SEMG1: variants seen among roughly 807,000 people sequenced by gnomAD.
The protein encoded by SEMG1 is semenogelin-1.
SEMG1 carries 6 observed loss-of-function variants against 8.8 expected under a neutral mutation model. The ratio of observed to expected loss-of-function variants is 0.68; its 90% CI spans 0.37 to 1.35. SEMG1 has a LOEUF of 1.35. SEMG1 is among the 40% of genes most tolerant of loss of function. SEMG1 has a pLI of 0.02. For synonymous variants in SEMG1, 221 were observed against 190.3 expected, an observed-to-expected ratio of 1.16 and a Z score of -1.33; for missense variants, 580 against 533.6, an observed-to-expected ratio of 1.09 and a Z score of -0.86.
chr20:45,207,977 G>C lies in SEMG1; in HGVS notation c.680G>C (p.Arg227Thr). 1 of 1,614,014 alleles carries C rather than the reference G, an allele frequency of 6.2e-7. No individual in the cohort carries two copies. The highest frequency in any genetic ancestry group is 8.5e-7 in the Non-Finnish European group (1 of 1,179,966). ...KGHYQNVVEVREEHSSKVQTS... is the reference protein window; with the variant it reads ...KGHYQNVVEVTEEHSSKVQTS... ...CATTACCAAAATGTGGTTGAAGTGA[G>C]AGAGGAACATTCAAGTAAAGTACAA... is the stretch of plus-strand genomic sequence containing the variant. The change falls in exon 2 of 3, where the codon AGA becomes ACA. Residue 227 changes from arginine to threonine, a missense_variant. By Grantham distance (71) the Arg-to-Thr change is moderately conservative (BLOSUM62 -1). Transcript: ENST00000372781.
Position 45,207,900 on chromosome 20 carries a change from A to G in SEMG1, c.603A>G (p.Leu201=). The G allele has an allele frequency of 6.2e-7, 1 of 1,614,110 alleles. No individual in the cohort carries two copies. Among genetic ancestry groups the G allele is most frequent in the Non-Finnish European group, 8.5e-7 (1 of 1,179,960 alleles). The change falls in exon 2 of 3, where the codon CTA becomes CTG. Residue 201 remains leucine, a synonymous_variant. Transcript: ENST00000372781. Reference sequence around the variant, plus strand: ...GTTATGTTCTCCAAACTGAAGAGCTAGTAGCTAACAAACAACAACGTGAGA... The same window carrying G: ...GTTATGTTCTCCAAACTGAAGAGCTGGTAGCTAACAAACAACAACGTGAGA... ...QSSYVLQTEE[L]VANKQQRETK...
chr20:45,207,743 G>T lies in SEMG1; in HGVS notation c.446G>T (p.Ser149Ile). Residue 149 changes from serine (S) to isoleucine (I), a missense_variant, in exon 2 of 3, where the codon AGC (serine) becomes ATC (isoleucine). Ser to Ile is a moderately radical substitution (Grantham distance 142). Coordinates refer to ENST00000372781, the MANE Select transcript of SEMG1 (RefSeq NM_003007.5). The stretch of plus-strand genomic sequence containing the variant: ...AATCCTTCTCAAGATCAGGGGAATA[G>T]CCCATCTGGAAAGGGAATATCCAGT... ...TQNPSQDQGN[S>I]PSGKGISSQY... is the part of the protein sequence containing the mutation. 6.2e-7 allele frequency: 1 copy of T among 1,613,946 alleles called. No individual in the cohort carries two copies.
In SEMG1 at chr20:45,207,065, C is replaced by T; in HGVS notation, c.12C>T (p.Asn4=). The T allele has an allele frequency of 1.2e-6, 2 of 1,613,764 alleles. No individual in the cohort carries two copies. Among genetic ancestry groups the T allele is most frequent in the Non-Finnish European group, 1.7e-6 (2 of 1,179,756 alleles). The change falls in exon 1 of 3, where the codon AAC becomes AAT. Residue 4 remains asparagine, a synonymous_variant. Transcript: ENST00000372781. MKP[N]IIFVLSLLLI... ...GTTTTCCAAGCAAGATGAAGCCCAA[C>T]ATCATCTTTGTACTTTCCCTGCTCC...
At chr20:45,209,355 A>C (rs1326112914) in intron 2 of SEMG1, among the ~76,000 whole-genome samples, 1 of 152,208 alleles carries the variant, frequency 6.6e-6, no homozygotes, top group Non-Finnish European at 1.5e-5. Context: ...TTACAACATC[A>C]GGAGAAGAAA....
At chr20:45,208,924 C>T (rs115669987) in intron 2 of SEMG1, among the ~76,000 whole-genome samples, 194 bp downstream of exon 2, 1,655 of 152,196 alleles carry the variant, frequency 0.011, 21 homozygotes, top group African/African-American at 0.033. Flanking sequence ...GGATGTTTGG[C>T]CTATCATGAG....
rs896135139 is a variant in SEMG1 at position 45,207,446 on chromosome 20, G to A, written c.149G>A (p.Gly50Glu). 1.9e-6 allele frequency: 3 copies of A among 1,613,616 alleles called. No individual in the cohort carries two copies. In the African/African-American group the frequency reaches 4.0e-5, roughly 22 times the overall value. The stretch of plus-strand genomic sequence containing the variant: ...GGACAAAAGGGCCAGCACTATTCTG[G>A]ACAAAAAGGCAAGCAACAAACTGAA... ...PHGQKGQHYS[G>E]QKGKQQTESK... The change falls in exon 2 of 3, where the codon GGA (glycine) becomes GAA (glutamate). Residue 50 changes from glycine to glutamate, a missense_variant. By Grantham distance (98) the Gly-to-Glu change is moderately conservative. Transcript: ENST00000372781.
Position 45,208,430 on chromosome 20 carries a change from C to A in SEMG1, c.1133C>A (p.Thr378Asn). 1 of 1,613,988 alleles carries A rather than the reference C, an allele frequency of 6.2e-7. No individual in the cohort carries two copies. Among genetic ancestry groups the A allele is most frequent in the South Asian group, 1.1e-5 (1 of 91,044 alleles). The change falls in exon 2 of 3, where the codon ACT (threonine) becomes AAT (asparagine). Residue 378 changes from threonine (T) to asparagine (N), a missense_variant. Coordinates refer to ENST00000372781, the MANE Select transcript of SEMG1 (RefSeq NM_003007.5). ...DVSQRSIYSQ[T>N]EKLVAGKSQI... Reference sequence around the variant, plus strand: ...TCCCAACGCAGTATTTATAGCCAAACTGAAAAGCTAGTAGCAGGCAAGTCT... The same window carrying A: ...TCCCAACGCAGTATTTATAGCCAAAATGAAAAGCTAGTAGCAGGCAAGTCT...
In SEMG1 at chr20:45,208,428, A is replaced by G. The variant is rs747922760; in HGVS notation, c.1131A>G (p.Gln377=). 3.7e-6 allele frequency: 6 copies of G among 1,614,040 alleles called. No homozygotes were observed. Among genetic ancestry groups the G allele is most frequent in the Non-Finnish European group, 5.1e-6 (6 of 1,179,978 alleles). The change falls in exon 2 of 3, where the codon CAA becomes CAG. Residue 377 remains glutamine (Q), a synonymous_variant. Coordinates refer to ENST00000372781, the MANE Select transcript of SEMG1 (RefSeq NM_003007.5). The stretch of plus-strand genomic sequence containing the variant: ...TATCCCAACGCAGTATTTATAGCCA[A>G]ACTGAAAAGCTAGTAGCAGGCAAGT... ...KDVSQRSIYS[Q]TEKLVAGKSQ...
chr20:45,209,278 T>C (rs1041640331), intron 2 of SEMG1, among the ~76,000 whole-genome samples: 1 of 152,226 alleles, frequency 6.6e-6, no homozygotes, highest in East Asian at 1.9e-4. Flanking sequence ...CTTGTTCATG[T>C]TGTGAAAGAG....
Position 45,208,680 on chromosome 20 carries a change from TACATAAACCTACCATTCGGTA to T in SEMG1, c.1386_*17del. ...TTAACAACGACCGAAACCCATTATTTACATAAACCTACCATTCGGTAACCATGTGAAAGGATGGACCAATAT... is the reference window on the plus strand; with the variant it reads ...TTAACAACGACCGAAACCCATTATTTACCATGTGAAAGGATGGACCAATAT... On this transcript the variant is annotated stop_lost and 3_prime_UTR_variant, in exon 2 of 3. Transcript: ENST00000372781. 5 of 1,597,238 alleles carry T rather than the reference TACATAAACCTACCATTCGGTA, an allele frequency of 3.1e-6. No homozygotes were observed. The highest frequency in any genetic ancestry group is 4.3e-6 in the Non-Finnish European group (5 of 1,171,222).
In SEMG1 at chr20:45,207,420, C is replaced by T. The variant is rs202058933; in HGVS notation, c.123C>T (p.His41=). The change falls in exon 2 of 3, where the codon CAC becomes CAT. Residue 41 remains histidine, a synonymous_variant. Transcript: ENST00000372781. The part of the protein sequence containing the change: ...RLPSEFSQFP[H]GQKGQHYSGQ... ...CAAGTGAATTTTCCCAATTTCCACA[C>T]GGACAAAAGGGCCAGCACTATTCTG... 7.1e-5 allele frequency: 115 copies of T among 1,610,584 alleles called. No homozygotes were observed. Among genetic ancestry groups the T allele is most frequent in the African/African-American group, 1.2e-4 (9 of 74,826 alleles).
rs183240426 is a variant in SEMG1 at position 45,208,314 on chromosome 20, T to C, written c.1017T>C (p.His339=). The C allele has an allele frequency of 3.9e-5, 63 of 1,610,948 alleles. No homozygotes were observed. The Admixed American group carries it at 7.7e-4, about 20-fold the overall frequency. The change falls in exon 2 of 3, where the codon CAT becomes CAC. Residue 339 remains histidine (H), a synonymous_variant. Coordinates refer to ENST00000372781, the MANE Select transcript of SEMG1 (RefSeq NM_003007.5). ...QITIPSQEQE[H]SQKANKISYQ... Reference sequence around the variant, plus strand: ...CAATTCCCAGTCAAGAGCAAGAGCATAGCCAAAAGGCAAATAAAATATCAT... The same window carrying C: ...CAATTCCCAGTCAAGAGCAAGAGCACAGCCAAAAGGCAAATAAAATATCAT...
intron 2 of SEMG1, 30 bp downstream of exon 2, chr20:45,208,760 ATC>A: frequency 1.0e-6 from 1 of 995,780 alleles, no homozygotes; most frequent in Non-Finnish European, 1.5e-6. Flanking sequence ...TAGGGGAGAT[ATC>A]TCTCTCATTG....
chr20:45,209,172 C>T (rs1983788768), intron 2 of SEMG1, among the ~76,000 whole-genome samples: 1 of 152,066 alleles, frequency 6.6e-6, no homozygotes, highest in South Asian at 2.1e-4. Flanking sequence ...TTCTTGCATC[C>T]CTGTTAGGGT....
chr20:45,208,266 G>T lies in SEMG1; in HGVS notation c.969G>T (p.Gln323His). ...ATAGCCAAACTGAAGAGAAAGCACA[G>T]GGCAAGTCTCAAAAACAGATAACAA... Reference protein sequence around the residue: ...SIYSQTEEKAQGKSQKQITIP... With the variant: ...SIYSQTEEKAHGKSQKQITIP... The change falls in exon 2 of 3, where the codon CAG becomes CAT. Residue 323 changes from glutamine (Q) to histidine (H), a missense_variant. By Grantham distance (24) the Gln-to-His change is conservative (BLOSUM62 0). Transcript: ENST00000372781. 6.2e-7 allele frequency: 1 copy of T among 1,600,090 alleles called. No homozygotes were observed. The highest frequency in any genetic ancestry group is 8.5e-7 in the Non-Finnish European group (1 of 1,174,652).
chr20:45,207,371 C>T lies in SEMG1; in HGVS notation c.77-3C>T, dbSNP rs769494349. ...TGCATACCTTCTTATTATCAATTAC[C>T]AGGTGGATCAAAAGGCCGATTACCA... On this transcript the variant is annotated splice_region_variant and splice_polypyrimidine_tract_variant and intron_variant, in intron 1 of 2. Transcript: ENST00000372781. 1.2e-6 allele frequency: 2 copies of T among 1,602,412 alleles called. No individual in the cohort carries two copies. Among genetic ancestry groups the T allele is most frequent in the Non-Finnish European group, 1.7e-6 (2 of 1,173,210 alleles).
In SEMG1 at chr20:45,208,207, G is replaced by C. The variant is rs765599434; in HGVS notation, c.910G>C (p.Gly304Arg). Residue 304 changes from glycine (G) to arginine (R), a missense_variant, in exon 2 of 3, where the codon GGT becomes CGT. Transcript: ENST00000372781. ...EERRLHYGEN[G>R]VQKDVSQSSI... ...AAGACGACTCCACTATGGAGAAAAT[G>C]GTGTGCAGAAAGATGTATCCCAAAG... 8 of 1,613,326 alleles carry C rather than the reference G, an allele frequency of 5.0e-6. No individual in the cohort carries two copies. Among genetic ancestry groups the C allele is most frequent in the Non-Finnish European group, 6.8e-6 (8 of 1,179,634 alleles).
In SEMG1 at chr20:45,207,638, G is replaced by A. The variant is rs1983727969; in HGVS notation, c.341G>A (p.Arg114Lys). ...CTGCTCCATAATAAACAAGAAGGCA[G>A]AGACCATGATAAATCAAAAGGTCAT... ...QQLLHNKQEG[R>K]DHDKSKGHFH... Residue 114 changes from arginine to lysine, a missense_variant, in exon 2 of 3, where the codon AGA (arginine) becomes AAA (lysine). Transcript: ENST00000372781. 1.2e-6 allele frequency: 2 copies of A among 1,613,726 alleles called. No homozygotes were observed. Among genetic ancestry groups the A allele is most frequent in the Non-Finnish European group, 1.7e-6 (2 of 1,179,886 alleles).
rs1318717938 is a variant in SEMG1, at chr20:45,207,398, G to A, written c.101G>A (p.Ser34Asn). ...QKGGSKGRLP[S>N]EFSQFPHGQK... ...GGTGGATCAAAAGGCCGATTACCAA[G>A]TGAATTTTCCCAATTTCCACACGGA... The change falls in exon 2 of 3, where the codon AGT (serine) becomes AAT (asparagine). Residue 34 changes from serine to asparagine, a missense_variant. By Grantham distance (46) the Ser-to-Asn change is conservative (BLOSUM62 1). Coordinates refer to ENST00000372781, the MANE Select transcript of SEMG1 (RefSeq NM_003007.5). 1.2e-6 allele frequency: 2 copies of A among 1,611,312 alleles called. No individual in the cohort carries two copies. The highest frequency in any genetic ancestry group is 8.5e-7 in the Non-Finnish European group (1 of 1,179,098).
Sources: allele counts gnomAD v4.1 joint callset (sites outside exome capture counted in the v4.1 genomes callset), GRCh38; gene constraint gnomAD v4.1.1; transcripts MANE v1.5; gene names NCBI Gene and HGNC (gene_info 2026-07-23, HGNC 2026-07-21).